The following ANKRD36 variants were observed in gnomAD, a reference collection of about 807,000 sequenced individuals.
The protein encoded by ANKRD36 is ankyrin repeat domain 36, also known as ankyrin repeat domain-containing protein 36A.
Under a neutral mutation model 278.1 loss-of-function variants are expected in ANKRD36, and 179 were observed. That is an observed-to-expected ratio of 0.64 (90% CI 0.57 to 0.73). ANKRD36 has a LOEUF of 0.73. ANKRD36 is among the 30% of genes least tolerant of loss of function. The pLI, the probability that ANKRD36 is intolerant of heterozygous loss-of-function variation, is 0.00. For missense variants in ANKRD36, 1,159 were observed against 1,956.7 expected (o/e 0.59, Z 7.69); for synonymous variants, 320 against 641.1 (o/e 0.50, Z 7.57).
In ANKRD36 at chr2:97,185,494, A is replaced by G; in HGVS notation, c.2025A>G (p.Gly675=). ...ALNIATEIKD[G]LQCGTVSSQK... Reference sequence around the variant, plus strand: ...ATATAGCTACAGAAATAAAGGATGGACTACAGTGTGGGACAGGTAATTTTG... The same window carrying G: ...ATATAGCTACAGAAATAAAGGATGGGCTACAGTGTGGGACAGGTAATTTTG... Residue 675 remains glycine, a synonymous_variant, in exon 30 of 76, where the codon GGA becomes GGG. Coordinates refer to ENST00000420699, the MANE Select transcript of ANKRD36 (RefSeq NM_001354587.1). 2.5e-6 allele frequency: 4 copies of G among 1,611,008 alleles called. No homozygotes were observed. The highest frequency in any genetic ancestry group is 3.4e-6 in the Non-Finnish European group (4 of 1,178,548).
At position 97,182,431 on chromosome 2, in the gene ANKRD36, C is replaced by G. The variant is rs530432529; in HGVS notation, c.1837+638C>G. 1.4e-3 allele frequency among the ~76,000 whole-genome samples: 204 copies of G among 145,980 alleles called. 3 individuals carry two copies. The highest frequency in any genetic ancestry group is 4.8e-3 in the African/African-American group (194 of 40,780). On this transcript the variant is annotated intron_variant, in intron 26 of 75. Coordinates refer to ENST00000420699, the MANE Select transcript of ANKRD36 (RefSeq NM_001354587.1). ...TAAACCACAGTGACTCATTACTCCT[C>G]TTTGTTACTGTTGGGCATCAGAGAT...
At chr2:97,158,530 A>C in intron 16 of ANKRD36, 58 bp from the exon 17 acceptor site, 3 of 1,520,716 alleles carry the variant, frequency 2.0e-6, no homozygotes, top group East Asian at 2.5e-5. Context: ...CCCGGTTCTT[A>C]TTTCTTGATT....
intron 46 of ANKRD36, 25 bp from the exon 47 acceptor site, chr2:97,202,177 A>T (rs1327770258): frequency 6.3e-5 from 101 of 1,608,550 alleles, no homozygotes; most frequent in Non-Finnish European, 8.1e-5. Flanking sequence ...CGTATGACTG[A>T]TTATGAATCC....
chr2:97,192,765 G>C, intron 36 of ANKRD36, 93 bp from the exon 37 acceptor site: 2 of 1,470,924 alleles, frequency 1.4e-6, no homozygotes, highest in Non-Finnish European at 1.9e-6. Context: ...AATACAGGCA[G>C]GAGAACAGAG....
At chr2:97,115,219 T>C in intron 1 of ANKRD36, among the ~76,000 whole-genome samples, 1 of 152,148 alleles carries the variant, frequency 6.6e-6, no homozygotes, top group Non-Finnish European at 1.5e-5. Context: ...AAGTGCCTGC[T>C]AACTATTTGG....
rs767073594 is a variant in ANKRD36, at chr2:97,207,849, CTG to C, written c.3192+12_3192+13del. 8 of 1,546,338 alleles carry C rather than the reference CTG, an allele frequency of 5.2e-6. No individual in the cohort carries two copies. The highest frequency in any genetic ancestry group is 4.9e-5 in the East Asian group (2 of 40,940). ...ACCATCAGGCTTGAAGGTAATGAAA[CTG>C]TCATTTATATTGTGAACTAGTAAAT... On this transcript the variant is annotated intron_variant, in intron 53 of 75. Transcript: ENST00000420699.
intron 3 of ANKRD36, among the ~76,000 whole-genome samples, chr2:97,121,690 A>G (rs2036904057): frequency 6.6e-6 from 1 of 152,070 alleles, no homozygotes; most frequent in Admixed American, 6.6e-5. Context: ...AGTGGCTTTC[A>G]TTATGCTATA....
chr2:97,125,385 A>G (rs2038304106), intron 5 of ANKRD36, among the ~76,000 whole-genome samples: 1 of 127,884 alleles, frequency 7.8e-6, no homozygotes, highest in Non-Finnish European at 1.6e-5. Context: ...TACGGAGCAA[A>G]TTGACACTTT....
intron 56 of ANKRD36, among the ~76,000 whole-genome samples, chr2:97,210,838 T>A (rs2064284955): frequency 6.6e-6 from 1 of 151,878 alleles, no homozygotes; most frequent in Non-Finnish European, 1.5e-5. Flanking sequence ...TATGTCAAAG[T>A]TGATAATTGA....
intron 22 of ANKRD36, among the ~76,000 whole-genome samples, chr2:97,169,326 TC>T (rs1482811926): frequency 6.6e-6 from 1 of 152,308 alleles, no homozygotes; most frequent in Non-Finnish European, 1.5e-5. Context: ...TTGTTTAAGT[TC>T]CTTTTAGATT....
intron 5 of ANKRD36, among the ~76,000 whole-genome samples, chr2:97,125,303 T>C (rs2038276401): frequency 6.7e-6 from 1 of 150,306 alleles, no homozygotes; most frequent in African/African-American, 2.5e-5. Flanking sequence ...CATACTTATA[T>C]GCTCAGCCAT....
intron 6 of ANKRD36, among the ~76,000 whole-genome samples, chr2:97,140,271 T>C (rs1195625881): frequency 6.6e-6 from 1 of 151,606 alleles, no homozygotes; most frequent in Non-Finnish European, 1.5e-5. Flanking sequence ...TGTTGGTGCA[T>C]TGAGGAGAGG....
At chr2:97,201,465 A>T (rs1218290300) in intron 46 of ANKRD36, among the ~76,000 whole-genome samples, 8 of 151,946 alleles carry the variant, frequency 5.3e-5, no homozygotes, top group Non-Finnish European at 8.8e-5. Context: ...TGGTTGTGGC[A>T]GTTTTACTTT....
At chr2:97,225,860 G>C (rs1381012313) in intron 67 of ANKRD36, among the ~76,000 whole-genome samples, 1 of 150,444 alleles carries the variant, frequency 6.6e-6, no homozygotes, top group Non-Finnish European at 1.5e-5. Flanking sequence ...CCACCTATGA[G>C]TGAGAACATG....
At chr2:97,166,969 T>TTTGATATATAAAAG (rs2050904219) in intron 20 of ANKRD36, among the ~76,000 whole-genome samples, 1 of 151,264 alleles carries the variant, frequency 6.6e-6, no homozygotes, top group African/African-American at 2.4e-5. Context: ...TGGCAAATAT[T>TTTGATATATAAAAG]TTGATTAACA....
chr2:97,197,013 T>A (rs1162653252), intron 42 of ANKRD36, among the ~76,000 whole-genome samples: 1 of 151,880 alleles, frequency 6.6e-6, no homozygotes, highest in Non-Finnish European at 1.5e-5. Flanking sequence ...GGGAAGAAGA[T>A]ATATGGAGAG....
At chr2:97,123,636 T>TATAA (rs1553540309) in intron 4 of ANKRD36, among the ~76,000 whole-genome samples, 2 of 95,462 alleles carry the variant, frequency 2.1e-5, no homozygotes, top group African/African-American at 2.8e-5. Flanking sequence ...TATATATATA[T>TATAA]AATGTTAGAA....
intron 22 of ANKRD36, among the ~76,000 whole-genome samples, chr2:97,176,207 C>T (rs957098795): frequency 6.2e-4 from 94 of 151,646 alleles, no homozygotes; most frequent in African/African-American, 1.8e-3. Context: ...TTGATCTGTC[C>T]AATGTTGACA....
rs141944460 is a variant in ANKRD36, at chr2:97,198,471, G to C, written c.2662G>C (p.Glu888Gln). ...TCCCTTTTACTTTTCAGTGTCTTCT[G>C]AGAAACCACCAGGCTTGAAGGTAAT... ...DGEKSRTVSS[E>Q]KPPGLKASSA... Residue 888 changes from glutamate (E) to glutamine (Q), a missense_variant, in exon 43 of 76, where the codon GAG becomes CAG. Coordinates refer to ENST00000420699, the MANE Select transcript of ANKRD36 (RefSeq NM_001354587.1). The C allele has an allele frequency of 6.7e-4, 1,051 of 1,579,956 alleles. No individual in the cohort carries two copies. The East Asian group carries it at 0.012, about 18-fold the overall frequency.
Sources: allele counts gnomAD v4.1 joint callset (sites outside exome capture counted in the v4.1 genomes callset), GRCh38; gene constraint gnomAD v4.1.1; transcripts MANE v1.5; gene names NCBI Gene and HGNC (gene_info 2026-07-23, HGNC 2026-07-21).